ROBO1: variants seen among roughly 807,000 people sequenced by gnomAD.
ROBO1 encodes roundabout guidance receptor 1.
A neutral mutation model predicts 195.9 loss-of-function variants in ROBO1; 149 were observed. The observed-to-expected ratio is 0.76, with a 90% CI of 0.67 to 0.87. ROBO1 has a LOEUF of 0.87. Ranked by LOEUF, ROBO1 falls within the 40% of genes least tolerant of loss-of-function variation. The pLI is 0.00. For missense variants in ROBO1, 1,933 were observed against 2,068.3 expected, an observed-to-expected ratio of 0.93 and a Z score of 1.27; for synonymous variants, 816 against 733.2, an observed-to-expected ratio of 1.11 and a Z score of -1.82.
chr3:78,907,140 CT>C (rs1162244033), intron 4 of ROBO1, among the ~76,000 whole-genome samples: 1 of 152,052 alleles, frequency 6.6e-6, no homozygotes, highest in Non-Finnish European at 1.5e-5. Context: ...AAAATGAAAT[CT>C]AAAACCACAT....
chr3:78,662,542 TG>T (rs1286124135), intron 14 of ROBO1, among the ~76,000 whole-genome samples: 4 of 151,886 alleles, frequency 2.6e-5, no homozygotes, highest in African/African-American at 9.7e-5. Flanking sequence ...GGCTAAGCAA[TG>T]GAAAGAAAGG....
intron 2 of ROBO1, among the ~76,000 whole-genome samples, chr3:79,589,362 T>G (rs775134432): frequency 6.6e-5 from 10 of 151,700 alleles, no homozygotes; most frequent in Admixed American, 1.3e-4. Flanking sequence ...AGCAGCATGT[T>G]GCTTTTTTAT....
chr3:78,740,462 CTT>C (rs1243692025), intron 5 of ROBO1, among the ~76,000 whole-genome samples: 1 of 146,940 alleles, frequency 6.8e-6, no homozygotes, highest in Non-Finnish European at 1.5e-5. Context: ...TTCTTTCTTT[CTT>C]TCTTTCTTTC....
intron 1 of ROBO1, among the ~76,000 whole-genome samples, chr3:79,664,119 G>C (rs986179238): frequency 3.3e-5 from 5 of 151,880 alleles, no homozygotes; most frequent in Non-Finnish European, 7.4e-5. Context: ...GTTTGTTATA[G>C]GTGCATCTTG....
intron 1 of ROBO1, among the ~76,000 whole-genome samples, chr3:79,717,173 A>G (rs1332495307): frequency 6.6e-6 from 1 of 151,514 alleles, no homozygotes; most frequent in South Asian, 2.1e-4. Context: ...TATACTTTAA[A>G]TGTGACTATT....
At chr3:79,091,451 C>G (rs2079478605) in intron 3 of ROBO1, among the ~76,000 whole-genome samples, 1 of 152,100 alleles carries the variant, frequency 6.6e-6, no homozygotes. Context: ...TCCATCAGAT[C>G]TTACTACCTT....
rs193061049 is a variant in ROBO1, at chr3:79,601,836, G to A, written c.-50-11875C>T. On this transcript the variant is annotated intron_variant, in intron 1 of 30. Coordinates refer to ENST00000464233, the MANE Select transcript of ROBO1 (RefSeq NM_002941.4). ...TAATTTCAAACACACTGCCTTGAAT[G>A]TGTATGAAAACCTAAAATTAGTTCA... Among the ~76,000 whole-genome samples, 328 of 152,084 alleles carry A rather than the reference G, an allele frequency of 2.2e-3. 1 individual carries two copies. Among genetic ancestry groups the A allele is most frequent in the African/African-American group, 7.4e-3 (309 of 41,552 alleles).
intron 2 of ROBO1, among the ~76,000 whole-genome samples, chr3:79,243,344 T>C (rs958180459): frequency 5.3e-5 from 8 of 152,152 alleles, no homozygotes; most frequent in African/African-American, 1.9e-4. Flanking sequence ...TTTGGGTATA[T>C]ACCCAGTAAT....
At chr3:79,039,801 CAAAAAAAA>C in intron 3 of ROBO1, among the ~76,000 whole-genome samples, 1 of 51,320 alleles carries the variant, frequency 1.9e-5, no homozygotes, top group East Asian at 7.1e-4. Flanking sequence ...GACTCCGTCT[CAAAAAAAA>C]AAAAAAAAAA....
chr3:79,523,453 TTTTC>T (rs370379576), intron 2 of ROBO1, among the ~76,000 whole-genome samples: 5 of 133,610 alleles, frequency 3.7e-5, no homozygotes, highest in African/African-American at 1.1e-4. Flanking sequence ...GACTTTGCAT[TTTTC>T]TTTCTTTTTT....
intron 4 of ROBO1, among the ~76,000 whole-genome samples, chr3:78,874,243 C>G (rs1391868411): frequency 6.6e-6 from 1 of 151,896 alleles, no homozygotes; most frequent in Non-Finnish European, 1.5e-5. Flanking sequence ...TAAATGTTTA[C>G]TAGGCAACTG....
chr3:79,289,889 C>T (rs1483645393), intron 2 of ROBO1, among the ~76,000 whole-genome samples: 1 of 151,870 alleles, frequency 6.6e-6, no homozygotes, highest in Non-Finnish European at 1.5e-5. Flanking sequence ...TTATTTTCTA[C>T]CTATGTCCAT....
At position 78,633,967 on chromosome 3, in the gene ROBO1, T is replaced by G. The variant is rs757383097; in HGVS notation, c.3449A>C (p.Tyr1150Ser). ...QSYDQNTGGS[Y>S]NSSDRGSSTS... ...ACTACTGCCCCGGTCTGAGCTGTTG[T>G]AGGATCCTCCTGTGTTCTGGTCGTA... Residue 1150 changes from tyrosine to serine, a missense_variant, in exon 24 of 31, where the codon TAC (tyrosine) becomes TCC (serine). Tyr to Ser is a moderately radical substitution (Grantham distance 144, BLOSUM62 -2). This residue lies in a region of ROBO1 where 1,737 missense variants were observed against 1,882.5 expected (regional missense o/e 0.92). Coordinates refer to ENST00000464233, the MANE Select transcript of ROBO1 (RefSeq NM_002941.4). 2 of 1,612,752 alleles carry G rather than the reference T, an allele frequency of 1.2e-6. No homozygotes were observed. The highest frequency in any genetic ancestry group is 1.7e-6 in the Non-Finnish European group (2 of 1,179,056).
chr3:79,490,755 T>C (rs552630895), intron 2 of ROBO1, among the ~76,000 whole-genome samples: 19 of 152,316 alleles, frequency 1.2e-4, no homozygotes, highest in African/African-American at 4.6e-4. Context: ...CAAGCCCCTC[T>C]GATTGGCCTT....
intron 2 of ROBO1, among the ~76,000 whole-genome samples, chr3:79,405,634 G>T (rs2037516717): frequency 6.6e-6 from 1 of 152,046 alleles, no homozygotes; most frequent in African/African-American, 2.4e-5. Context: ...GATCAACATT[G>T]CAAGAATATT....
rs555785930 is a variant in ROBO1, at chr3:78,642,958, A to G, written c.2883-3060T>C. ...CTGACATTCATTTATTCAATGGCTC[A>G]TTCATTTTTTTTTTACTTATAGGTG... On this transcript the variant is annotated intron_variant, in intron 21 of 30. Transcript: ENST00000464233. 1.1e-4 allele frequency among the ~76,000 whole-genome samples: 17 copies of G among 152,108 alleles called. No homozygotes were observed. In the South Asian group the frequency reaches 3.5e-3, roughly 32 times the overall value.
At chr3:79,442,320 T>C (rs1309041857) in intron 2 of ROBO1, among the ~76,000 whole-genome samples, 1 of 152,196 alleles carries the variant, frequency 6.6e-6, no homozygotes, top group Non-Finnish European at 1.5e-5. Flanking sequence ...ATTGTGGTGG[T>C]AATATAAAAA....
At chr3:79,096,207 T>C (rs1293412710) in intron 3 of ROBO1, among the ~76,000 whole-genome samples, 1 of 151,946 alleles carries the variant, frequency 6.6e-6, no homozygotes, top group Non-Finnish European at 1.5e-5. Context: ...GATCCTATTT[T>C]GCCACACCTT....
At chr3:79,155,781 T>C (rs2108649575) in intron 2 of ROBO1, among the ~76,000 whole-genome samples, 1 of 151,924 alleles carries the variant, frequency 6.6e-6, no homozygotes, top group Non-Finnish European at 1.5e-5. Context: ...AGAACTTGAA[T>C]CAGAGTCCCA....
Sources: gnomAD v4.1 joint callset for allele counts (sites outside exome capture counted in the v4.1 genomes callset) on GRCh38, gnomAD v4.1.1 for gene constraint, gnomAD v4.1.1 regional missense constraint, MANE v1.5 for transcripts, NCBI Gene and HGNC (gene_info 2026-07-23, HGNC 2026-07-21) for gene names.